MERTK: variants seen among roughly 807,000 people sequenced by gnomAD.
MERTK encodes the protein tyrosine-protein kinase Mer.
Under a neutral mutation model 99.3 loss-of-function variants are expected in MERTK, and 69 were observed. The observed-to-expected ratio is 0.70, with a 90% CI of 0.57 to 0.85. The LOEUF is 0.85. MERTK is among the 40% of genes least tolerant of loss of function. The pLI is 0.00. For synonymous variants in MERTK, 426 were observed against 467.6 expected (o/e 0.91, Z 1.15); for missense variants, 1,125 against 1,249.4 (o/e 0.90, Z 1.50).
At chr2:111,940,485 G>A in intron 2 of MERTK, 1 of 574,954 alleles carries the variant, frequency 1.7e-6, no homozygotes, top group Non-Finnish European at 3.5e-6. Flanking sequence ...GAATATGTTT[G>A]TCTAAAGCAA....
chr2:111,918,093 A>G (rs1171854032), intron 1 of MERTK, among the ~76,000 whole-genome samples: 6 of 152,026 alleles, frequency 3.9e-5, no homozygotes, highest in Non-Finnish European at 7.4e-5. Flanking sequence ...CCACCATCCT[A>G]TCTATATTCT....
Position 111,968,190 on chromosome 2 carries a change from A to C in MERTK, c.898A>C (p.Ile300Leu), listed in dbSNP as rs1015124151. Residue 300 changes from isoleucine to leucine, a missense_variant, in exon 6 of 19, where the codon ATT (isoleucine) becomes CTT (leucine). Transcript: ENST00000295408. The stretch of plus-strand genomic sequence containing the variant: ...CATCCGTAACAGCACTGCACACAGC[A>C]TTCTGATCTCCTGGGTTCCTGGTTT... ...VSIRNSTAHS[I>L]LISWVPGFDG... The C allele has an allele frequency of 5.0e-6, 8 of 1,614,068 alleles. No individual in the cohort carries two copies. Among genetic ancestry groups the C allele is most frequent in the Non-Finnish European group, 6.8e-6 (8 of 1,180,012 alleles).
chr2:111,999,673 T>C (rs769021707), intron 10 of MERTK, among the ~76,000 whole-genome samples: 1 of 152,216 alleles, frequency 6.6e-6, no homozygotes, highest in Non-Finnish European at 1.5e-5. Context: ...CATACCTAGT[T>C]TCCCCTATTA....
At chr2:112,020,933 C>T (rs1208901794) in intron 16 of MERTK, among the ~76,000 whole-genome samples, 1 of 151,856 alleles carries the variant, frequency 6.6e-6, no homozygotes, top group Non-Finnish European at 1.5e-5. Context: ...GTAGCTCATA[C>T]CTGTAATCCC....
intron 7 of MERTK, among the ~76,000 whole-genome samples, chr2:111,981,503 C>G (rs1676370392): frequency 6.6e-6 from 1 of 152,138 alleles, no homozygotes; most frequent in African/African-American, 2.4e-5. Context: ...CAACCTCCAT[C>G]TCCCAGATTA....
intron 1 of MERTK, among the ~76,000 whole-genome samples, chr2:111,910,850 G>T (rs926136324): frequency 2.0e-5 from 3 of 152,132 alleles, no homozygotes; most frequent in African/African-American, 4.8e-5. Flanking sequence ...ATAGGAGGAA[G>T]GGGAGGATAG....
intron 2 of MERTK, among the ~76,000 whole-genome samples, chr2:111,932,472 T>A (rs1684691628): frequency 6.6e-6 from 1 of 152,186 alleles, no homozygotes; most frequent in Non-Finnish European, 1.5e-5. Flanking sequence ...TGAGCCACCG[T>A]GCCTGGCCAT....
chr2:111,925,885 T>C (rs1684558071), intron 1 of MERTK, among the ~76,000 whole-genome samples: 1 of 151,118 alleles, frequency 6.6e-6, no homozygotes. Flanking sequence ...CAGGCTAGAG[T>C]ACAGTGGCGC....
intron 1 of MERTK, among the ~76,000 whole-genome samples, chr2:111,902,686 C>A (rs1001383404): frequency 3.3e-5 from 5 of 152,056 alleles, no homozygotes; most frequent in African/African-American, 1.2e-4. Context: ...CAATAACCAC[C>A]CCCTGCCAAA....
intron 2 of MERTK, among the ~76,000 whole-genome samples, chr2:111,937,712 A>G (rs1282219216): frequency 6.6e-6 from 1 of 151,884 alleles, no homozygotes; most frequent in Non-Finnish European, 1.5e-5. Context: ...TAACCAAACT[A>G]TCTGCTGGAA....
At chr2:112,001,350 A>G in intron 11 of MERTK, 64 bp downstream of exon 11, 1 of 1,279,152 alleles carries the variant, frequency 7.8e-7, no homozygotes, top group Non-Finnish European at 1.1e-6. Context: ...AGAAGGATCA[A>G]TAGACAGATT....
chr2:112,028,531 C>A lies in MERTK; in HGVS notation c.2667C>A (p.Thr889=). The A allele has an allele frequency of 6.2e-7, 1 of 1,614,188 alleles. No individual in the cohort carries two copies. Among genetic ancestry groups the A allele is most frequent in the Non-Finnish European group, 8.5e-7 (1 of 1,180,034 alleles). The change falls in exon 19 of 19, where the codon ACC becomes ACA. Residue 889 remains threonine (T), a synonymous_variant. Coordinates refer to ENST00000295408, the MANE Select transcript of MERTK (RefSeq NM_006343.3). ...CTGAGGGCCTGGCCCAGGGCTCCAC[C>A]CTTGCTCCACTGGACTTGAACATCG... is the stretch of plus-strand genomic sequence containing the variant. ...ESSEGLAQGS[T]LAPLDLNIDP...
intron 2 of MERTK, among the ~76,000 whole-genome samples, chr2:111,938,346 C>T (rs1684800074): frequency 6.6e-6 from 1 of 152,304 alleles, no homozygotes; most frequent in South Asian, 2.1e-4. Context: ...ATCCTTCTGC[C>T]TCAGCCTCCC....
At chr2:111,935,471 C>G (rs1573582832) in intron 2 of MERTK, among the ~76,000 whole-genome samples, 1 of 152,286 alleles carries the variant, frequency 6.6e-6, no homozygotes, top group East Asian at 1.9e-4. Context: ...GCAACCGCAT[C>G]TTGCAATCAA....
chr2:111,990,219 A>G (rs1217599878), intron 8 of MERTK, among the ~76,000 whole-genome samples: 1 of 152,236 alleles, frequency 6.6e-6, no homozygotes, highest in East Asian at 1.9e-4. Context: ...CATCCATTTT[A>G]AAAAAACATG....
intron 2 of MERTK, among the ~76,000 whole-genome samples, chr2:111,940,083 C>G (rs1684833930): frequency 6.6e-6 from 1 of 150,834 alleles, no homozygotes; most frequent in Admixed American, 6.7e-5. Flanking sequence ...TTCCTAGAGC[C>G]CAGGTCCTCT....
At chr2:111,973,671 A>G (rs904542309) in intron 6 of MERTK, among the ~76,000 whole-genome samples, 1 of 152,158 alleles carries the variant, frequency 6.6e-6, no homozygotes, top group South Asian at 2.1e-4. Flanking sequence ...TTTACCCGAT[A>G]TCATTTTGTC....
At chr2:111,948,720 G>C (rs1210707853) in intron 4 of MERTK, among the ~76,000 whole-genome samples, 1 of 152,020 alleles carries the variant, frequency 6.6e-6, no homozygotes, top group Non-Finnish European at 1.5e-5. Context: ...CAGCACCCTG[G>C]TCCGTGTCAC....
At chr2:111,942,040 A>G (rs1684874792) in intron 2 of MERTK, among the ~76,000 whole-genome samples, 1 of 152,108 alleles carries the variant, frequency 6.6e-6, no homozygotes, top group South Asian at 2.1e-4. Context: ...GTCTGGGTGC[A>G]GTCCCCTCAG....
Sources: allele counts gnomAD v4.1 joint callset (sites outside exome capture counted in the v4.1 genomes callset), GRCh38; gene constraint gnomAD v4.1.1; transcripts MANE v1.5; gene names NCBI Gene and HGNC (gene_info 2026-07-23, HGNC 2026-07-21).